GNAQ: variants seen among roughly 807,000 people sequenced by gnomAD.
The protein encoded by GNAQ is G protein subunit alpha q, also known as guanine nucleotide-binding protein G(q) subunit alpha.
A neutral mutation model predicts 43.9 loss-of-function variants in GNAQ; 8 were observed. The ratio of observed to expected loss-of-function variants is 0.18; its 90% CI spans 0.11 to 0.33. The LOEUF is 0.33. GNAQ is among the 10% of genes least tolerant of loss of function. The pLI, the probability that GNAQ is intolerant of heterozygous loss-of-function variation, is 1.00. For synonymous variants in GNAQ, 155 were observed against 170.7 expected (o/e 0.91, Z 0.71); for missense variants, 158 against 450.8 (o/e 0.35, Z 5.88).
At chr9:77,889,901 C>T (rs1292374674) in intron 2 of GNAQ, among the ~76,000 whole-genome samples, 2 of 152,164 alleles carry the variant, frequency 1.3e-5, no homozygotes, top group Non-Finnish European at 2.9e-5. Flanking sequence ...TTGCTTCCAT[C>T]TTTCCAGTTA....
At chr9:77,929,685 A>G (rs1829120650) in intron 1 of GNAQ, among the ~76,000 whole-genome samples, 1 of 152,000 alleles carries the variant, frequency 6.6e-6, no homozygotes, top group Non-Finnish European at 1.5e-5. Context: ...ACAAAAAAAA[A>G]TTAGCCCGGT....
intron 1 of GNAQ, among the ~76,000 whole-genome samples, chr9:78,017,069 T>C (rs995296634): frequency 2.0e-5 from 3 of 152,236 alleles, no homozygotes; most frequent in Admixed American, 1.3e-4. Flanking sequence ...ATGTTCACTG[T>C]AGCACTGATT....
At chr9:77,909,559 G>A (rs1428675395) in intron 2 of GNAQ, among the ~76,000 whole-genome samples, 2 of 152,040 alleles carry the variant, frequency 1.3e-5, no homozygotes, top group African/African-American at 2.4e-5. Flanking sequence ...TGTGCACATT[G>A]ACAGAAGCAG....
intron 1 of GNAQ, among the ~76,000 whole-genome samples, chr9:77,942,740 A>C (rs1445228124): frequency 6.6e-6 from 1 of 152,244 alleles, no homozygotes; most frequent in Non-Finnish European, 1.5e-5. Context: ...CACCCCTTCA[A>C]ATATCCACAT....
chr9:77,783,260 T>C (rs912860054), intron 5 of GNAQ, among the ~76,000 whole-genome samples: 1 of 152,214 alleles, frequency 6.6e-6, no homozygotes, highest in Non-Finnish European at 1.5e-5. Flanking sequence ...GGAAAATCTC[T>C]GTACTTTCTG....
intron 5 of GNAQ, among the ~76,000 whole-genome samples, chr9:77,786,654 A>G (rs1826486029): frequency 6.6e-6 from 1 of 152,210 alleles, no homozygotes; most frequent in African/African-American, 2.4e-5. Context: ...AGTCACCAGA[A>G]GGCTAAAATG....
chr9:77,886,104 G>A (rs928779966), intron 2 of GNAQ, among the ~76,000 whole-genome samples: 4 of 152,114 alleles, frequency 2.6e-5, no homozygotes, highest in African/African-American at 9.7e-5. Context: ...AGCCTCCTGA[G>A]TAGCTGGAAT....
At chr9:77,757,044 C>A (rs1587900620) in intron 5 of GNAQ, among the ~76,000 whole-genome samples, 1 of 152,106 alleles carries the variant, frequency 6.6e-6, no homozygotes, top group Non-Finnish European at 1.5e-5. Context: ...GGGATCAAAT[C>A]CTTAAATTAA....
intron 2 of GNAQ, among the ~76,000 whole-genome samples, chr9:77,854,897 G>A (rs1827727951): frequency 6.6e-6 from 1 of 152,178 alleles, no homozygotes. Context: ...GAATGGAAAA[G>A]TTTAATTGAA....
At chr9:77,887,942 T>A (rs1828339122) in intron 2 of GNAQ, among the ~76,000 whole-genome samples, 1 of 152,198 alleles carries the variant, frequency 6.6e-6, no homozygotes, top group African/African-American at 2.4e-5. Context: ...TTATTCTAGA[T>A]CAGTAGTTCT....
chr9:77,859,976 A>T (rs1564132519), intron 2 of GNAQ, among the ~76,000 whole-genome samples: 1 of 152,222 alleles, frequency 6.6e-6, no homozygotes, highest in Non-Finnish European at 1.5e-5. Flanking sequence ...AAAGAAAAAA[A>T]TCCCTACATA....
At chr9:77,805,658 C>G (rs1339273399) in intron 3 of GNAQ, among the ~76,000 whole-genome samples, 1 of 152,086 alleles carries the variant, frequency 6.6e-6, no homozygotes, top group Non-Finnish European at 1.5e-5. Context: ...CCAACCTCAG[C>G]CTCCCAAAGT....
intron 2 of GNAQ, among the ~76,000 whole-genome samples, chr9:77,915,338 T>C (rs1040404615): frequency 2.7e-4 from 41 of 150,056 alleles, no homozygotes; most frequent in Admixed American, 1.3e-3. Flanking sequence ...TTTTATTCTT[T>C]ATTTCTGTAC....
intron 1 of GNAQ, among the ~76,000 whole-genome samples, chr9:78,018,350 T>C (rs1259397316): frequency 6.6e-6 from 1 of 152,112 alleles, no homozygotes; most frequent in Non-Finnish European, 1.5e-5. Context: ...TAAAACAGAC[T>C]ATAAAGGAAT....
intron 2 of GNAQ, among the ~76,000 whole-genome samples, chr9:77,819,684 A>ATTGAT (rs1434427801): frequency 6.6e-6 from 1 of 152,032 alleles, no homozygotes; most frequent in African/African-American, 2.4e-5. Flanking sequence ...TCAATTCTGA[A>ATTGAT]CTGCAGCACA....
intron 1 of GNAQ, among the ~76,000 whole-genome samples, chr9:78,012,998 G>T (rs1473083458): frequency 6.6e-6 from 1 of 152,148 alleles, no homozygotes; most frequent in Non-Finnish European, 1.5e-5. Context: ...ATGGACAAAA[G>T]ACAGTGAAGA....
At chr9:77,942,938 T>C (rs1050459925) in intron 1 of GNAQ, among the ~76,000 whole-genome samples, 9 of 152,356 alleles carry the variant, frequency 5.9e-5, no homozygotes, top group Non-Finnish European at 1.3e-4. Flanking sequence ...TTGGATCCAA[T>C]AATTAACCAA....
At chr9:77,727,513 C>T (rs1243723074) in intron 6 of GNAQ, among the ~76,000 whole-genome samples, 1 of 152,010 alleles carries the variant, frequency 6.6e-6, no homozygotes, top group Non-Finnish European at 1.5e-5. Flanking sequence ...TAATGCAGAG[C>T]CATAGGAGTA....
chr9:77,893,360 T>A (rs1449241610), intron 2 of GNAQ, among the ~76,000 whole-genome samples: 1 of 152,174 alleles, frequency 6.6e-6, no homozygotes, highest in Admixed American at 6.5e-5. Flanking sequence ...ACCAGCATCA[T>A]GACAGTTTAC....
Sources: allele counts gnomAD v4.1 joint callset (sites outside exome capture counted in the v4.1 genomes callset), GRCh38; gene constraint gnomAD v4.1.1; transcripts MANE v1.5; gene names NCBI Gene and HGNC (gene_info 2026-07-23, HGNC 2026-07-21).